The following CLTC variants were observed in gnomAD, a reference collection of about 807,000 sequenced individuals.
CLTC encodes the protein clathrin heavy chain 1.
CLTC carries 16 observed loss-of-function variants against 195.8 expected under a neutral mutation model. The observed-to-expected ratio is 0.08, with a 90% CI of 0.06 to 0.12. The LOEUF (loss-of-function observed/expected upper bound fraction) is 0.12, where lower values mean the gene tolerates loss of function less well. Ranked by LOEUF, CLTC falls within the 10% of genes least tolerant of loss-of-function variation. The pLI is 1.00. For synonymous variants in CLTC, 667 were observed against 689.4 expected, an observed-to-expected ratio of 0.97 and a Z score of 0.51; for missense variants, 796 against 2,027.0, an observed-to-expected ratio of 0.39 and a Z score of 11.66.
intron 1 of CLTC, among the ~76,000 whole-genome samples, chr17:59,629,134 T>A (rs2031636424): frequency 1.3e-5 from 2 of 152,230 alleles, no homozygotes; most frequent in African/African-American, 4.8e-5. Flanking sequence ...GAAAAACGTG[T>A]AGAGAGAACA....
chr17:59,654,413 A>G (rs560164889), intron 5 of CLTC, among the ~76,000 whole-genome samples: 21 of 151,526 alleles, frequency 1.4e-4, no homozygotes, highest in African/African-American at 4.9e-4. Flanking sequence ...CCTGACCTCA[A>G]GTGATCCACC....
rs796950803 is a variant in CLTC, at chr17:59,666,345, T to A, written c.1782+105T>A. 2.0e-6 allele frequency: 3 copies of A among 1,486,644 alleles called. No individual in the cohort carries two copies. The African/African-American group carries it at 4.2e-5, about 21-fold the overall frequency. The allele number at this position is 1,486,644 out of a possible 1,614,324, so 92.1% of individuals were successfully genotyped here. On this transcript the variant is annotated intron_variant, in intron 11 of 31. Transcript: ENST00000269122. This position sits in a 1 kb window ranked among gnomAD's most constrained non-coding sequence, Gnocchi z 4.9. The stretch of plus-strand genomic sequence containing the variant: ...AGCTACTGAGGGGCCTACTCCTTAT[T>A]AAAGAAAATGTAGCTATTATAATAT...
At chr17:59,630,235 C>T (rs1364982307) in intron 1 of CLTC, among the ~76,000 whole-genome samples, 1 of 152,118 alleles carries the variant, frequency 6.6e-6, no homozygotes, top group Non-Finnish European at 1.5e-5. Flanking sequence ...CTCCTGAGCC[C>T]AAGCAATCTG....
rs769741151 is a variant in CLTC, at chr17:59,679,355, T to G, written c.2797-42T>G. 22 of 1,530,344 alleles carry G rather than the reference T, an allele frequency of 1.4e-5. No individual in the cohort carries two copies. In the East Asian group the frequency reaches 4.9e-4, roughly 34 times the overall value. The allele number at this position is 1,530,344 out of a possible 1,614,324, so 94.8% of individuals were successfully genotyped here. A position where few individuals can be genotyped will look rare whatever the true frequency, so the allele number is the denominator to read the frequency against. On this transcript the variant is annotated intron_variant, in intron 17 of 31. Coordinates refer to ENST00000269122, the MANE Select transcript of CLTC (RefSeq NM_004859.4). ...CCCTCTAAAATGCTATAAAAAGTCC[T>G]TTACTTTTTACCTTGAAATTAATCT...
chr17:59,665,994 T>C, intron 10 of CLTC, 109 bp from the exon 11 acceptor site: 1 of 797,650 alleles, frequency 1.3e-6, no homozygotes, highest in South Asian at 2.1e-5. Flanking sequence ...TCTTAAGTGT[T>C]TATATTGTCC....
intron 1 of CLTC, 39 bp downstream of exon 1, chr17:59,620,212 G>A (rs2031322077): frequency 6.2e-7 from 1 of 1,610,764 alleles, no homozygotes; most frequent in South Asian, 1.1e-5. Context: ...TGTGGAGAAG[G>A]TGGTAGGAAG....
chr17:59,641,055 G>A (rs951177476), intron 1 of CLTC, among the ~76,000 whole-genome samples: 2 of 150,996 alleles, frequency 1.3e-5, no homozygotes, highest in South Asian at 4.2e-4. Flanking sequence ...GGAGGTAGAG[G>A]TTGCAGTAAG....
intron 1 of CLTC, among the ~76,000 whole-genome samples, chr17:59,635,987 A>G (rs1567932428): frequency 6.6e-6 from 1 of 152,166 alleles, no homozygotes; most frequent in Non-Finnish European, 1.5e-5. Flanking sequence ...AGGCAGGCAG[A>G]CACCTGAGGT....
intron 16 of CLTC, among the ~76,000 whole-genome samples, chr17:59,676,422 A>G (rs116354687): frequency 4.8e-4 from 73 of 152,312 alleles, no homozygotes; most frequent in African/African-American, 1.7e-3. Flanking sequence ...AATCTGGCCT[A>G]TGTAATATCA....
At chr17:59,690,347 C>T (rs1002910593) in intron 30 of CLTC, 1 of 287,618 alleles carries the variant, frequency 3.5e-6, no homozygotes, top group South Asian at 1.1e-4. Context: ...GGTTCCTTCT[C>T]GTTTTCTCCC....
At chr17:59,675,159 G>T (rs1026293777) in intron 16 of CLTC, among the ~76,000 whole-genome samples, 1 of 152,066 alleles carries the variant, frequency 6.6e-6, no homozygotes, top group Admixed American at 6.5e-5. Flanking sequence ...TGTGATACCT[G>T]TGTATTTAAC....
chr17:59,667,196 A>G (rs2032751459), intron 13 of CLTC: 1 of 333,912 alleles, frequency 3.0e-6, no homozygotes, highest in Non-Finnish European at 5.4e-6. Context: ...TTTATAGATG[A>G]ATTAAAGGTA....
At chr17:59,633,416 C>T (rs1423669372) in intron 1 of CLTC, among the ~76,000 whole-genome samples, 1 of 152,054 alleles carries the variant, frequency 6.6e-6, no homozygotes, top group Non-Finnish European at 1.5e-5. Flanking sequence ...TGGCTTGAAC[C>T]CGGGAGGCAG....
At chr17:59,689,948 C>G (rs1036889677) in intron 30 of CLTC, 6 of 152,204 alleles carry the variant, frequency 3.9e-5, no homozygotes, top group African/African-American at 1.4e-4. Flanking sequence ...TTACTTCTGT[C>G]TGATACTATC....
At chr17:59,684,521 C>A (rs1160871820) in intron 28 of CLTC, 1 of 154,856 alleles carries the variant, frequency 6.5e-6, no homozygotes, top group African/African-American at 2.4e-5. Context: ...ATCTTGCCCT[C>A]CATGCCAGGC....
chr17:59,646,044 A>G (rs2032186046), intron 2 of CLTC: 1 of 777,574 alleles, frequency 1.3e-6, no homozygotes, highest in Non-Finnish European at 1.6e-6. Flanking sequence ...ATTAGATTGT[A>G]TTAGTTATTG....
chr17:59,674,647 T>C (rs1010760351), intron 15 of CLTC, 54 bp from the exon 16 acceptor site: 2 of 1,481,828 alleles, frequency 1.3e-6, no homozygotes, highest in Non-Finnish European at 9.1e-7. Flanking sequence ...TTTTTAAAAT[T>C]CCTCTTTGCT....
At chr17:59,680,503 A>G (rs367742473) in intron 18 of CLTC, among the ~76,000 whole-genome samples, 15 of 152,144 alleles carry the variant, frequency 9.9e-5, no homozygotes, top group Admixed American at 5.2e-4. Context: ...AGTAGTTACA[A>G]AGCTTCCTAG....
rs1299964090 is a variant in CLTC, at chr17:59,691,695, TAATA to T, written c.4903+986_4903+989del. ...TTATATATCAGGCTACTGACACAAA[TAATA>T]ATATATACACTTATTATGGTTTTGT... is the stretch of plus-strand genomic sequence containing the variant. On this transcript the variant is annotated intron_variant, in intron 31 of 31. Coordinates refer to ENST00000269122, the MANE Select transcript of CLTC (RefSeq NM_004859.4). 2.0e-5 allele frequency among the ~76,000 whole-genome samples: 3 copies of T among 149,204 alleles called. No homozygotes were observed. The Admixed American group carries it at 2.0e-4, about 10-fold the overall frequency.
Sources: allele counts gnomAD v4.1 joint callset (sites outside exome capture counted in the v4.1 genomes callset), GRCh38; gene constraint gnomAD v4.1.1; non-coding constraint Gnocchi (gnomAD v3.1); transcripts MANE v1.5; gene names NCBI Gene and HGNC (gene_info 2026-07-23, HGNC 2026-07-21).